Variants in GTF2A1 observed in about 807,000 individuals in gnomAD.
The protein encoded by GTF2A1 is general transcription factor IIA subunit 1, also known as transcription initiation factor IIA subunit 1.
A neutral mutation model predicts 54.1 loss-of-function variants in GTF2A1; 12 were observed. That is an observed-to-expected ratio of 0.22 (90% CI 0.14 to 0.36). The LOEUF is 0.36. Among genes scored for constraint, GTF2A1 ranks in the 10% least tolerant of loss-of-function variants. GTF2A1 has a pLI of 1.00. For synonymous variants in GTF2A1, 145 were observed against 152.0 expected (o/e 0.95, Z 0.34); for missense variants, 335 against 442.2 (o/e 0.76, Z 2.17).
intron 8 of GTF2A1, among the ~76,000 whole-genome samples, chr14:81,182,684 C>A (rs1034703698): frequency 9.2e-5 from 14 of 152,170 alleles, no homozygotes; most frequent in Non-Finnish European, 1.6e-4. Flanking sequence ...GCAAAGTAAT[C>A]CTTTCAAAAT....
At chr14:81,191,159 C>T (rs1281609065) in intron 7 of GTF2A1, among the ~76,000 whole-genome samples, 1 of 152,106 alleles carries the variant, frequency 6.6e-6, no homozygotes, top group Non-Finnish European at 1.5e-5. Context: ...TATTTTCTAC[C>T]TACCAGACCA....
intron 2 of GTF2A1, chr14:81,210,045 CCCACAA>C: frequency 1.5e-5 from 2 of 136,686 alleles, no homozygotes; most frequent in Admixed American, 2.2e-4. Flanking sequence ...ACAGAATGGT[CCCACAA>C]GAAATATGCA....
chr14:81,187,900 A>T (rs1277374422), intron 7 of GTF2A1, among the ~76,000 whole-genome samples: 2 of 142,502 alleles, frequency 1.4e-5, no homozygotes, highest in Non-Finnish European at 3.3e-5. Context: ...GAGGACTATC[A>T]AACTGTTTCC....
At position 81,203,423 on chromosome 14, in the gene GTF2A1, CAA is replaced by C. The variant is rs1302707607; in HGVS notation, c.337+475_337+476del. Reference sequence around the variant, plus strand: ...TGAATTTTCAGATTGCCAAAGTATACAAAAAACTCCAGAATGTAAGATATATT... The same window carrying C: ...TGAATTTTCAGATTGCCAAAGTATACAAAACTCCAGAATGTAAGATATATT... On this transcript the variant is annotated intron_variant, in intron 3 of 8. Coordinates refer to ENST00000553612, the MANE Select transcript of GTF2A1 (RefSeq NM_015859.4). Among the ~76,000 whole-genome samples the C allele has an allele frequency of 7.2e-5, 11 of 152,184 alleles. No individual in the cohort carries two copies. The East Asian group carries it at 2.1e-3, about 29-fold the overall frequency.
intron 1 of GTF2A1, among the ~76,000 whole-genome samples, chr14:81,216,844 T>C (rs1007007011): frequency 6.6e-6 from 1 of 152,228 alleles, no homozygotes; most frequent in Non-Finnish European, 1.5e-5. Context: ...CTTCTACTAT[T>C]CCATGCTTGG....
In GTF2A1 at chr14:81,196,140, G is replaced by A. The variant is rs1277918352; in HGVS notation, c.580C>T (p.Pro194Ser). 14 of 1,613,556 alleles carry A rather than the reference G, an allele frequency of 8.7e-6. No homozygotes were observed. The highest frequency in any genetic ancestry group is 1.1e-5 in the Non-Finnish European group (13 of 1,179,502). ...ATAACAGGAGCTTGTACTCCACCAG[G>A]CTGCATTTGTGGTATAACCTGTTGT... ...LQQQVIPQMQ[P>S]GGVQAPVIQQ... The change falls in exon 6 of 9, where the codon CCT becomes TCT. Residue 194 changes from proline (P) to serine (S), a missense_variant. Physicochemically the swap from Pro to Ser is moderately conservative, Grantham distance 74. Around this residue, in one of 2 missense-constraint regions of GTF2A1, gnomAD observed 306 missense variants for 360.4 expected, o/e 0.85. Coordinates refer to ENST00000553612, the MANE Select transcript of GTF2A1 (RefSeq NM_015859.4).
intron 2 of GTF2A1, among the ~76,000 whole-genome samples, chr14:81,215,313 T>C (rs1893463550): frequency 6.6e-6 from 1 of 152,244 alleles, no homozygotes; most frequent in African/African-American, 2.4e-5. Flanking sequence ...TGCACTTGAA[T>C]TGTGAATTTA....
At chr14:81,185,952 G>A (rs1398044413) in intron 7 of GTF2A1, among the ~76,000 whole-genome samples, 1 of 152,036 alleles carries the variant, frequency 6.6e-6, no homozygotes, top group African/African-American at 2.4e-5. Context: ...TCCCGGCTTC[G>A]AGCAATTCTC....
At chr14:81,216,298 C>A in intron 2 of GTF2A1, 115 bp downstream of exon 2, 2 of 592,892 alleles carry the variant, frequency 3.4e-6, no homozygotes, top group Non-Finnish European at 3.0e-6. Context: ...TTAAAACCAG[C>A]ACACTTCACT....
At chr14:81,205,208 G>A (rs757587479) in intron 2 of GTF2A1, among the ~76,000 whole-genome samples, 11 of 151,768 alleles carry the variant, frequency 7.2e-5, no homozygotes, top group African/African-American at 2.4e-4. Flanking sequence ...CAATCTGCTC[G>A]CCTTGGCCTC....
At chr14:81,198,565 T>C (rs1172316970) in intron 4 of GTF2A1, among the ~76,000 whole-genome samples, 1 of 152,214 alleles carries the variant, frequency 6.6e-6, no homozygotes, top group Non-Finnish European at 1.5e-5. Context: ...CTGGAGAGTT[T>C]TCTCCTCCTG....
chr14:81,184,777 T>G (rs1170157911), intron 8 of GTF2A1, among the ~76,000 whole-genome samples: 1 of 152,202 alleles, frequency 6.6e-6, no homozygotes, highest in Non-Finnish European at 1.5e-5. Flanking sequence ...AAGCTTTTGT[T>G]AGAATTTTTA....
chr14:81,219,767 T>C (rs567089800), intron 1 of GTF2A1, among the ~76,000 whole-genome samples: 4 of 152,198 alleles, frequency 2.6e-5, no homozygotes, highest in East Asian at 1.9e-4. Flanking sequence ...CGGGAAGAAG[T>C]AGGTAAATTT....
At chr14:81,190,940 A>G (rs112987633) in intron 7 of GTF2A1, among the ~76,000 whole-genome samples, 194 of 152,300 alleles carry the variant, frequency 1.3e-3, no homozygotes, top group African/African-American at 4.5e-3. Flanking sequence ...AAAGCGCTAC[A>G]TATTTCCATC....
At position 81,179,875 on chromosome 14, in the gene GTF2A1, CCAA is replaced by C. The variant is rs1892603146; in HGVS notation, c.*345_*347del. The stretch of plus-strand genomic sequence containing the variant: ...AAAAGGGAAGTTTCTTCAGTTCATT[CCAA>C]CAAGTATCTTCTGATTGAACCCAAG... On this transcript the variant is annotated 3_prime_UTR_variant, in exon 9 of 9. Transcript: ENST00000553612. 4 of 161,444 alleles carry C rather than the reference CCAA, an allele frequency of 2.5e-5. No individual in the cohort carries two copies. The highest frequency in any genetic ancestry group is 9.5e-5 in the African/African-American group (4 of 41,976). 10.0% of individuals were successfully genotyped at this position (161,444 alleles called of 1,614,324 possible). A position where few individuals can be genotyped will look rare whatever the true frequency, so the allele number is the denominator to read the frequency against.
chr14:81,180,287 C>CCAT lies in GTF2A1; in HGVS notation c.1064_1066dup (p.Asp355dup). Reference sequence around the variant, plus strand: ...ATCTCTTCCATTAAGATTCATAATGCCATCCTTGAGATGAAATTTCCATTT... The same window carrying CCAT: ...ATCTCTTCCATTAAGATTCATAATGCCATCATCCTTGAGATGAAATTTCCATTT... On this transcript the variant is annotated inframe_insertion, in exon 9 of 9. Transcript: ENST00000553612. 1 of 1,519,664 alleles carries CCAT rather than the reference C, an allele frequency of 6.6e-7. No homozygotes were observed. The highest frequency in any genetic ancestry group is 9.1e-7 in the Non-Finnish European group (1 of 1,098,822). 94.1% of individuals were successfully genotyped at this position (1,519,664 alleles called of 1,614,324 possible).
chr14:81,195,874 T>C (rs140864634), intron 6 of GTF2A1, among the ~76,000 whole-genome samples: 1 of 151,768 alleles, frequency 6.6e-6, no homozygotes, highest in East Asian at 1.9e-4. Context: ...GGAAGGAGAG[T>C]GCTGCCACCT....
chr14:81,180,513 G>A (rs1268829990), intron 8 of GTF2A1, among the ~76,000 whole-genome samples, 183 bp from the exon 9 acceptor site: 1 of 152,022 alleles, frequency 6.6e-6, no homozygotes, highest in Non-Finnish European at 1.5e-5. Flanking sequence ...TGTGCAGGCT[G>A]GGCTCGAGCT....
rs1021931690 is a variant in GTF2A1, at chr14:81,179,072, A to G, written c.*1151T>C. 6.6e-6 allele frequency: 1 copy of G among 152,182 alleles called. No homozygotes were observed. Among genetic ancestry groups the G allele is most frequent in the Non-Finnish European group, 1.5e-5 (1 of 68,016 alleles). 9.4% of individuals were successfully genotyped at this position (152,182 alleles called of 1,614,324 possible). On this transcript the variant is annotated 3_prime_UTR_variant, in exon 9 of 9. Transcript: ENST00000553612. Reference sequence around the variant, plus strand: ...TTTCAATGGCCTGGAAGGGCCACCAAATGAAAGAGAGGTAACTTAGTGGCC... The same window carrying G: ...TTTCAATGGCCTGGAAGGGCCACCAGATGAAAGAGAGGTAACTTAGTGGCC...
Sources: gnomAD v4.1 joint callset for allele counts (sites outside exome capture counted in the v4.1 genomes callset) on GRCh38, gnomAD v4.1.1 for gene constraint, gnomAD v4.1.1 regional missense constraint, MANE v1.5 for transcripts, NCBI Gene and HGNC (gene_info 2026-07-23, HGNC 2026-07-21) for gene names.